The following NOL4L variants were observed in gnomAD, a reference collection of about 807,000 sequenced individuals.
The protein encoded by NOL4L is nucleolar protein 4-like.
Under a neutral mutation model 64.5 loss-of-function variants are expected in NOL4L, and 7 were observed. The observed-to-expected ratio is 0.11, with a 90% CI of 0.06 to 0.20. The LOEUF (loss-of-function observed/expected upper bound fraction) is 0.20, where lower values mean the gene tolerates loss of function less well. Ranked by LOEUF, NOL4L falls within the 10% of genes least tolerant of loss-of-function variation. NOL4L has a pLI of 1.00. For synonymous variants in NOL4L, 413 were observed against 401.0 expected (o/e 1.03, Z -0.36); for missense variants, 680 against 967.1 (o/e 0.70, Z 3.94).
chr20:32,519,955 TGAGCCACTGTG>T (rs2098263912), intron 3 of NOL4L: 1 of 152,262 alleles, frequency 6.6e-6, no homozygotes, highest in African/African-American at 2.4e-5. Flanking sequence ...ATTACAGGCA[TGAGCCACTGTG>T]CCCAGCCTGC....
chr20:32,540,354 C>T (rs113959211), intron 1 of NOL4L, among the ~76,000 whole-genome samples: 2,408 of 152,340 alleles, frequency 0.016, 21 homozygotes, highest in Non-Finnish European at 0.023. Flanking sequence ...GTGACTGTCA[C>T]ACACAGTTAA....
intron 1 of NOL4L, among the ~76,000 whole-genome samples, chr20:32,549,798 G>A (rs920120664): frequency 6.6e-6 from 1 of 152,078 alleles, no homozygotes; most frequent in Non-Finnish European, 1.5e-5. Context: ...AAAATGTAGA[G>A]AAATTGCAAC....
At position 32,464,989 on chromosome 20, in the gene NOL4L, A is replaced by T; in HGVS notation, c.842-8594T>A. On this transcript the variant is annotated intron_variant, in intron 5 of 10. Coordinates refer to ENST00000621426, the MANE Select transcript of NOL4L (RefSeq NM_001256798.2). The surrounding 1 kb of genome is among the most constrained non-coding windows in gnomAD (Gnocchi z 5.6). ...TTGGCTAATGAATTAGACGTCACAC[A>T]CCTAGATCTTCCCCTAAAACTGAAA... 1 of 604,760 alleles carries T rather than the reference A, an allele frequency of 1.7e-6. No individual in the cohort carries two copies. Among genetic ancestry groups the T allele is most frequent in the Non-Finnish European group, 3.0e-6 (1 of 334,350 alleles). 37.5% of individuals were successfully genotyped at this position (604,760 alleles called of 1,614,324 possible). A position where few individuals can be genotyped will look rare whatever the true frequency, so the allele number is the denominator to read the frequency against.
chr20:32,519,515 G>T, intron 3 of NOL4L: 1 of 152,286 alleles, frequency 6.6e-6, no homozygotes. Context: ...CCGGGAGCTG[G>T]CATGATGCAC....
intron 1 of NOL4L, among the ~76,000 whole-genome samples, chr20:32,580,320 TACTGATAATTCAGAG>T (rs1310182977): frequency 6.6e-6 from 1 of 152,176 alleles, no homozygotes; most frequent in Non-Finnish European, 1.5e-5. Flanking sequence ...ACAGCCGCTA[TACTGATAATTCAGAG>T]AAAACCAGGA....
At chr20:32,466,138 T>G (rs1325972735) in intron 5 of NOL4L, among the ~76,000 whole-genome samples, 1 of 152,156 alleles carries the variant, frequency 6.6e-6, no homozygotes, top group Non-Finnish European at 1.5e-5. Flanking sequence ...CAGCTAATTT[T>G]TGTATTTTTA....
intron 1 of NOL4L, among the ~76,000 whole-genome samples, chr20:32,537,402 C>A (rs996736611): frequency 2.6e-5 from 4 of 152,210 alleles, no homozygotes; most frequent in African/African-American, 9.7e-5. Context: ...TGGTGGCTGG[C>A]GTCGCGGTGC....
chr20:32,565,620 T>C (rs1979381425), intron 1 of NOL4L, among the ~76,000 whole-genome samples: 1 of 152,118 alleles, frequency 6.6e-6, no homozygotes, highest in African/African-American at 2.4e-5. Flanking sequence ...AGGCCTCAAC[T>C]TACCCTCTCT....
At chr20:32,472,782 G>A (rs920847698) in intron 5 of NOL4L, among the ~76,000 whole-genome samples, 2 of 152,086 alleles carry the variant, frequency 1.3e-5, no homozygotes, top group Non-Finnish European at 2.9e-5. Flanking sequence ...TGAGTGTCTC[G>A]GAGGGGACAG....
chr20:32,510,497 C>T (rs962425778), intron 4 of NOL4L: 8 of 161,116 alleles, frequency 5.0e-5, no homozygotes, highest in East Asian at 1.7e-4. Context: ...ACAGGACGGC[C>T]GCACCCAGGG....
chr20:32,554,320 CAAAAAAAAAAA>C (rs58257913), intron 1 of NOL4L, among the ~76,000 whole-genome samples: 1 of 64,072 alleles, frequency 1.6e-5, no homozygotes, highest in African/African-American at 6.3e-5. Context: ...GACTCTGCCT[CAAAAAAAAAAA>C]AAAAAAAAAA....
intron 5 of NOL4L, chr20:32,465,015 T>C: frequency 1.6e-6 from 1 of 620,926 alleles, no homozygotes; most frequent in Non-Finnish European, 2.9e-6. Context: ...AAAACTGAAA[T>C]CATTTCTCTC....
At chr20:32,511,532 G>T in intron 3 of NOL4L, 76 bp from the exon 4 acceptor site, 1 of 1,052,336 alleles carries the variant, frequency 9.5e-7, no homozygotes. Flanking sequence ...ATTTAACAGA[G>T]CCCGTGGAAG....
At chr20:32,527,943 G>A in intron 1 of NOL4L, 30 bp from the exon 2 acceptor site, 2 of 1,540,436 alleles carry the variant, frequency 1.3e-6, no homozygotes, top group East Asian at 2.5e-5. Flanking sequence ...CTGTGTTAGT[G>A]TCAGGAATGA....
chr20:32,560,619 G>A (rs1406937846), intron 1 of NOL4L, among the ~76,000 whole-genome samples: 1 of 152,216 alleles, frequency 6.6e-6, no homozygotes, highest in Non-Finnish European at 1.5e-5. Flanking sequence ...AACCCTATGA[G>A]GTAAGAACTG....
chr20:32,559,559 T>C (rs1978869786), intron 1 of NOL4L, among the ~76,000 whole-genome samples: 1 of 152,202 alleles, frequency 6.6e-6, no homozygotes, highest in East Asian at 1.9e-4. Context: ...TGTTATTACG[T>C]TCATTTTGCA....
intron 4 of NOL4L, among the ~76,000 whole-genome samples, chr20:32,487,935 T>TTTA (rs572313279): frequency 0.054 from 4,680 of 86,158 alleles, 101 homozygotes; most frequent in African/African-American, 0.15. Flanking sequence ...GTTGGTTTTA[T>TTTA]TTTTTTTTTT....
chr20:32,583,322 G>A (rs1006700843), intron 1 of NOL4L, among the ~76,000 whole-genome samples: 2 of 150,738 alleles, frequency 1.3e-5, no homozygotes, highest in African/African-American at 2.4e-5. Context: ...CGGCCCGGGC[G>A]GCCGCGGAGG....
chr20:32,518,681 T>G (rs565868280), intron 3 of NOL4L, among the ~76,000 whole-genome samples: 1 of 151,862 alleles, frequency 6.6e-6, no homozygotes, highest in African/African-American at 2.4e-5. Flanking sequence ...ATGGAAACAA[T>G]GAGGAAAGGA....
Sources: allele counts gnomAD v4.1 joint callset (sites outside exome capture counted in the v4.1 genomes callset), GRCh38; gene constraint gnomAD v4.1.1; non-coding constraint Gnocchi (gnomAD v3.1); transcripts MANE v1.5; gene names NCBI Gene and HGNC (gene_info 2026-07-23, HGNC 2026-07-21).